HEATR5A: variants seen among roughly 807,000 people sequenced by gnomAD.
The protein encoded by HEATR5A is HEAT repeat containing 5A.
A neutral mutation model predicts 218.8 loss-of-function variants in HEATR5A; 178 were observed. The ratio of observed to expected loss-of-function variants is 0.81; its 90% CI spans 0.72 to 0.92. The LOEUF (loss-of-function observed/expected upper bound fraction) is 0.92. HEATR5A is among the 40% of genes least tolerant of loss of function. The pLI is 0.00. For synonymous variants in HEATR5A, 864 were observed against 871.6 expected, an observed-to-expected ratio of 0.99 and a Z score of 0.15; for missense variants, 2,420 against 2,418.9, an observed-to-expected ratio of 1.00 and a Z score of -0.01.
At chr14:31,315,681 G>T (rs1043605960) in intron 27 of HEATR5A, 89 bp downstream of exon 27, 4 of 917,690 alleles carry the variant, frequency 4.4e-6, no homozygotes, top group Non-Finnish European at 6.4e-6. Flanking sequence ...CTTATTTGTA[G>T]TTCATTTTAA....
rs367655526 is a variant in HEATR5A, at chr14:31,334,349, C to T, written c.3367+3127G>A. ...ATACATTTTATAAGGCTACAGCTGC[C>T]ACAGACGGATGGATCCAGGCAAAGT... On this transcript the variant is annotated intron_variant, in intron 22 of 35. Transcript: ENST00000543095. The T allele has an allele frequency of 3.1e-5, 14 of 450,938 alleles. 1 individual carries two copies. Among genetic ancestry groups the T allele is most frequent in the Admixed American group, 2.7e-4 (11 of 41,288 alleles). 27.9% of individuals were successfully genotyped at this position (450,938 alleles called of 1,614,324 possible). A position where few individuals can be genotyped will look rare whatever the true frequency, so the allele number is the denominator to read the frequency against.
At chr14:31,407,051 A>G (rs2031091829) in intron 1 of HEATR5A, among the ~76,000 whole-genome samples, 2 of 150,370 alleles carry the variant, frequency 1.3e-5, no homozygotes, top group South Asian at 4.2e-4. Flanking sequence ...GCACTTCGAG[A>G]GGACAAAGCA....
At chr14:31,338,571 T>C (rs1300768033) in intron 21 of HEATR5A, among the ~76,000 whole-genome samples, 1 of 152,172 alleles carries the variant, frequency 6.6e-6, no homozygotes, top group African/African-American at 2.4e-5. Context: ...ATTTCATATA[T>C]GAAATAAAGT....
At chr14:31,398,079 G>A (rs2030728024) in intron 4 of HEATR5A, among the ~76,000 whole-genome samples, 2 of 152,124 alleles carry the variant, frequency 1.3e-5, no homozygotes, top group South Asian at 4.1e-4. Flanking sequence ...AGAGATTATA[G>A]TATCTTAATA....
chr14:31,387,057 G>A, intron 8 of HEATR5A, 63 bp downstream of exon 8: 1 of 1,536,254 alleles, frequency 6.5e-7, no homozygotes, highest in Non-Finnish European at 8.9e-7. Context: ...TATCAGTCTA[G>A]CTTTCCCAAA....
At position 31,395,300 on chromosome 14, in the gene HEATR5A, C is replaced by T; in HGVS notation, c.496G>A (p.Gly166Arg). ...IMLSLQNILN[G>R]LGAAAAPCHR... ...CAAGGTGCAGCGGCAGCTCCTAGTC[C>T]ATTCAATATATTTTGCAGACTTAGC... Residue 166 changes from glycine (G) to arginine (R), a missense_variant, in exon 5 of 36, where the codon GGA (glycine) becomes AGA (arginine). Physicochemically the swap from Gly to Arg is moderately radical, Grantham distance 125. Transcript: ENST00000543095. 6.5e-7 allele frequency: 1 copy of T among 1,530,652 alleles called. No homozygotes were observed. The highest frequency in any genetic ancestry group is 1.7e-4 in the Middle Eastern group (1 of 5,972). The allele number at this position is 1,530,652 out of a possible 1,614,324, so 94.8% of individuals were successfully genotyped here.
intron 29 of HEATR5A, among the ~76,000 whole-genome samples, chr14:31,308,649 A>C (rs540906904): frequency 6.6e-6 from 1 of 152,306 alleles, no homozygotes; most frequent in African/African-American, 2.4e-5. Flanking sequence ...GCTAAAATTT[A>C]CTGGGTGATT....
At chr14:31,316,028 A>C in intron 26 of HEATR5A, 79 bp from the exon 27 acceptor site, 1 of 1,163,502 alleles carries the variant, frequency 8.6e-7, no homozygotes, top group South Asian at 1.8e-5. Flanking sequence ...TCATGCCTGT[A>C]ATCCCAGCAC....
At chr14:31,356,376 A>ACACCACCTCCT (rs1555369260) in intron 16 of HEATR5A, among the ~76,000 whole-genome samples, 2 of 152,180 alleles carry the variant, frequency 1.3e-5, no homozygotes, top group Admixed American at 6.6e-5. Flanking sequence ...AGCTGGGACT[A>ACACCACCTCCT]CAGTTGCACA....
chr14:31,377,179 C>T (rs1047379289), intron 11 of HEATR5A, among the ~76,000 whole-genome samples: 1 of 150,622 alleles, frequency 6.6e-6, no homozygotes. Flanking sequence ...ATCAAGGCTC[C>T]TTGGAGAAAC....
intron 10 of HEATR5A, among the ~76,000 whole-genome samples, chr14:31,383,090 A>T (rs563177058): frequency 1.3e-5 from 2 of 152,052 alleles, no homozygotes; most frequent in Admixed American, 1.3e-4. Flanking sequence ...TTTTCACTGT[A>T]CAAAAGGAGG....
At position 31,326,264 on chromosome 14, in the gene HEATR5A, T is replaced by C. The variant is rs1248108445; in HGVS notation, c.3446A>G (p.His1149Arg). Reference protein sequence around the residue: ...LDKETDERLCHDIKETLNYML... With the variant: ...LDKETDERLCRDIKETLNYML... ...ATAATTTAAAGTCTCTTTGATATCA[T>C]GGCATAATCTCTCATCTGTCTCCTT... is the stretch of plus-strand genomic sequence containing the variant. The change falls in exon 23 of 36, where the codon CAT becomes CGT. Residue 1149 changes from histidine to arginine, a missense_variant. Coordinates refer to ENST00000543095, the MANE Select transcript of HEATR5A (RefSeq NM_015473.4). The C allele has an allele frequency of 2.5e-6, 4 of 1,612,988 alleles. No homozygotes were observed. The highest frequency in any genetic ancestry group is 2.5e-6 in the Non-Finnish European group (3 of 1,179,218).
At chr14:31,389,484 C>T (rs1171818923) in intron 6 of HEATR5A, among the ~76,000 whole-genome samples, 1 of 152,156 alleles carries the variant, frequency 6.6e-6, no homozygotes, top group African/African-American at 2.4e-5. Context: ...GGCAATAAAA[C>T]TTTTGCTATT....
intron 25 of HEATR5A, among the ~76,000 whole-genome samples, chr14:31,321,160 T>C (rs998361510): frequency 2.0e-5 from 3 of 151,934 alleles, no homozygotes; most frequent in African/African-American, 4.8e-5. Flanking sequence ...CTCAGACAGT[T>C]TCAGACTTTT....
chr14:31,294,600 G>A (rs1006797984), intron 34 of HEATR5A, among the ~76,000 whole-genome samples: 6 of 151,734 alleles, frequency 4.0e-5, no homozygotes, highest in South Asian at 2.1e-4. Context: ...TAGTAGAGAC[G>A]GGGTTTCACC....
Position 31,305,277 on chromosome 14 carries a change from T to C in HEATR5A, c.4967-100A>G, listed in dbSNP as rs1739876908. On this transcript the variant is annotated intron_variant, in intron 31 of 35. Coordinates refer to ENST00000543095, the MANE Select transcript of HEATR5A (RefSeq NM_015473.4). ...TACAGGAAATACATGTATTTTATTT[T>C]TTTGAGACAGAGTCTCGCTCTGTCA... 4 of 1,281,242 alleles carry C rather than the reference T, an allele frequency of 3.1e-6. No homozygotes were observed. The South Asian group carries it at 5.4e-5, about 17-fold the overall frequency. 79.4% of individuals were successfully genotyped at this position (1,281,242 alleles called of 1,614,324 possible). A position where few individuals can be genotyped will look rare whatever the true frequency, so the allele number is the denominator to read the frequency against.
At chr14:31,377,805 A>C (rs190819869) in intron 11 of HEATR5A, among the ~76,000 whole-genome samples, 183 of 152,274 alleles carry the variant, frequency 1.2e-3, no homozygotes, top group African/African-American at 4.1e-3. Flanking sequence ...AATGAATAAG[A>C]ATAAAAATAG....
intron 20 of HEATR5A, among the ~76,000 whole-genome samples, chr14:31,344,644 C>T (rs1472650339): frequency 6.6e-6 from 1 of 151,362 alleles, no homozygotes; most frequent in Non-Finnish European, 1.5e-5. Context: ...CAAAGAAGAA[C>T]CTAAGACTAT....
At chr14:31,360,409 G>C (rs1225056069) in intron 14 of HEATR5A, among the ~76,000 whole-genome samples, 1 of 152,124 alleles carries the variant, frequency 6.6e-6, no homozygotes, top group Non-Finnish European at 1.5e-5. Flanking sequence ...GTGATGGGCA[G>C]GGTGGGGTGC....
Sources: gnomAD v4.1 joint callset for allele counts (sites outside exome capture counted in the v4.1 genomes callset) on GRCh38, gnomAD v4.1.1 for gene constraint, MANE v1.5 for transcripts, NCBI Gene and HGNC (gene_info 2026-07-23, HGNC 2026-07-21) for gene names.